Variants in ENTREP2 observed in about 807,000 individuals in gnomAD.
ENTREP2 encodes the protein protein ENTREP2.
the ENTREP2 span, among the ~76,000 whole-genome samples, chr15:29,339,094 T>G: frequency 6.6e-6 from 1 of 152,188 alleles, no homozygotes; most frequent in Non-Finnish European, 1.5e-5. Flanking sequence ...CTACTGCAAG[T>G]CCATCACCTG....
At chr15:29,182,325 C>T in the ENTREP2 span, among the ~76,000 whole-genome samples, 7 of 151,986 alleles carry the variant, frequency 4.6e-5, no homozygotes, top group Middle Eastern at 3.4e-3. Context: ...GGGGGTTTCA[C>T]CGTGTTAGCC....
the ENTREP2 span, among the ~76,000 whole-genome samples, chr15:29,253,291 C>T: frequency 2.0e-5 from 3 of 152,080 alleles, no homozygotes; most frequent in African/African-American, 7.2e-5. Flanking sequence ...CTGAAGAAAC[C>T]AGTTCATTTG....
chr15:29,386,685 A>C, the ENTREP2 span, among the ~76,000 whole-genome samples: 1 of 152,218 alleles, frequency 6.6e-6, no homozygotes, highest in African/African-American at 2.4e-5. Flanking sequence ...GATTAGGATT[A>C]GACTGGGTCA....
the ENTREP2 span, among the ~76,000 whole-genome samples, chr15:29,650,785 G>A: frequency 6.6e-6 from 1 of 152,034 alleles, no homozygotes; most frequent in Non-Finnish European, 1.5e-5. Flanking sequence ...GAGGCAGGAG[G>A]ATTGCTTGAG....
At chr15:29,154,845 G>T in the ENTREP2 span, among the ~76,000 whole-genome samples, 2 of 152,184 alleles carry the variant, frequency 1.3e-5, no homozygotes, top group East Asian at 3.9e-4. Flanking sequence ...CAGTTCTCAA[G>T]CCCACACTGT....
At chr15:29,368,656 G>A in the ENTREP2 span, among the ~76,000 whole-genome samples, 2 of 151,810 alleles carry the variant, frequency 1.3e-5, no homozygotes, top group South Asian at 4.2e-4. Context: ...AGGACTGCTT[G>A]AGGCCAGGAG....
At chr15:29,163,509 A>G in the ENTREP2 span, among the ~76,000 whole-genome samples, 1 of 152,148 alleles carries the variant, frequency 6.6e-6, no homozygotes, top group East Asian at 1.9e-4. Context: ...ACACACTTAT[A>G]GTAATGCAAA....
At chr15:29,423,144 T>C in the ENTREP2 span, among the ~76,000 whole-genome samples, 2 of 151,864 alleles carry the variant, frequency 1.3e-5, no homozygotes, top group Non-Finnish European at 1.5e-5. Flanking sequence ...GGAAAGAAAA[T>C]GCTTCAACCC....
chr15:29,196,471 G>T, the ENTREP2 span: 3 of 1,551,576 alleles, frequency 1.9e-6, no homozygotes, highest in Non-Finnish European at 2.6e-6. Context: ...TCCTGCAGCG[G>T]GTTCAGCTTC....
At chr15:29,673,618 T>C in the ENTREP2 span, among the ~76,000 whole-genome samples, 1 of 152,040 alleles carries the variant, frequency 6.6e-6, no homozygotes, top group Non-Finnish European at 1.5e-5. Context: ...AATCTTGGAG[T>C]CTCCAGATGC....
the ENTREP2 span, among the ~76,000 whole-genome samples, chr15:29,320,461 A>G: frequency 6.6e-6 from 1 of 152,158 alleles, no homozygotes; most frequent in Non-Finnish European, 1.5e-5. Flanking sequence ...CTGATACACT[A>G]TATTTGGTTT....
At chr15:29,541,378 TGAGGGAGCCCA>T in the ENTREP2 span, among the ~76,000 whole-genome samples, 1 of 152,170 alleles carries the variant, frequency 6.6e-6, no homozygotes, top group Non-Finnish European at 1.5e-5. Context: ...AGCCTCAGCC[TGAGGGAGCCCA>T]TGTTCCAGGA....
At chr15:29,423,991 A>C in the ENTREP2 span, among the ~76,000 whole-genome samples, 1 of 152,182 alleles carries the variant, frequency 6.6e-6, no homozygotes, top group African/African-American at 2.4e-5. Flanking sequence ...TGCTGACTTC[A>C]GGAATGAAGG....
the ENTREP2 span, among the ~76,000 whole-genome samples, chr15:29,651,778 C>T: frequency 6.6e-6 from 1 of 152,234 alleles, no homozygotes; most frequent in African/African-American, 2.4e-5. Flanking sequence ...GCTTTGGGCA[C>T]CCACGAGCAT....
the ENTREP2 span, among the ~76,000 whole-genome samples, chr15:29,326,908 C>G: frequency 6.6e-6 from 1 of 151,872 alleles, no homozygotes; most frequent in Non-Finnish European, 1.5e-5. Flanking sequence ...AAATAAAGCC[C>G]ATAAATATAG....
chr15:29,210,228 TAAGGTACTAGA>T, the ENTREP2 span, among the ~76,000 whole-genome samples: 2 of 152,126 alleles, frequency 1.3e-5, no homozygotes, highest in African/African-American at 4.8e-5. Context: ...CAGGGCCAGG[TAAGGTACTAGA>T]CAACTGGGGG....
the ENTREP2 span, among the ~76,000 whole-genome samples, chr15:29,659,133 G>A: frequency 6.6e-6 from 1 of 152,090 alleles, no homozygotes; most frequent in Non-Finnish European, 1.5e-5. Context: ...TAAATATAGT[G>A]CTTACATTTT....
chr15:29,163,657 T>C, the ENTREP2 span, among the ~76,000 whole-genome samples: 1 of 151,520 alleles, frequency 6.6e-6, no homozygotes, highest in African/African-American at 2.4e-5. Flanking sequence ...CTCCAAGAAG[T>C]CTGGGATTAT....
chr15:29,457,276 G>C, the ENTREP2 span, among the ~76,000 whole-genome samples: 8 of 152,226 alleles, frequency 5.3e-5, no homozygotes, highest in Non-Finnish European at 5.9e-5. Context: ...TGCAGAGCAG[G>C]CATGGGCCAG....
Sources: allele counts gnomAD v4.1 joint callset (sites outside exome capture counted in the v4.1 genomes callset), GRCh38; gene constraint gnomAD v4.1.1; transcripts MANE v1.5; gene names NCBI Gene and HGNC (gene_info 2026-07-23, HGNC 2026-07-21).